The following NRG1 variants were observed in gnomAD, a reference collection of about 807,000 sequenced individuals.
The protein encoded by NRG1 is neuregulin 1, also known as pro-neuregulin-1, membrane-bound isoform.
A neutral mutation model predicts 63.8 loss-of-function variants in NRG1; 18 were observed. That is an observed-to-expected ratio of 0.28 (90% CI 0.19 to 0.42). The LOEUF (loss-of-function observed/expected upper bound fraction) is 0.42, where lower values mean the gene tolerates loss of function less well. Among genes scored for constraint, NRG1 ranks in the 10% least tolerant of loss-of-function variants. The pLI is 1.00. For synonymous variants in NRG1, 302 were observed against 301.3 expected (o/e 1.00, Z -0.02); for missense variants, 762 against 814.7 (o/e 0.94, Z 0.79).
At chr8:32,490,322 G>A (rs374268919) in intron 1 of NRG1, among the ~76,000 whole-genome samples, 65 of 151,954 alleles carry the variant, frequency 4.3e-4, no homozygotes, top group African/African-American at 1.5e-3. Context: ...AAAAAACTGG[G>A]GGCCACACAA....
chr8:31,970,244 A>G (rs925991422), intron 1 of NRG1, among the ~76,000 whole-genome samples: 9 of 152,014 alleles, frequency 5.9e-5, no homozygotes, highest in Non-Finnish European at 7.4e-5. Flanking sequence ...GATTACAACC[A>G]TTTTCAGGAT....
intron 1 of NRG1, among the ~76,000 whole-genome samples, chr8:31,847,326 T>A (rs1826784362): frequency 6.6e-6 from 1 of 152,046 alleles, no homozygotes. Flanking sequence ...AAAAACAGAG[T>A]TTCTCTACTT....
intron 1 of NRG1, among the ~76,000 whole-genome samples, chr8:31,988,537 C>A (rs1338458744): frequency 6.6e-6 from 1 of 152,048 alleles, no homozygotes; most frequent in African/African-American, 2.4e-5. Context: ...CAACTGAATT[C>A]TTCTTTACTC....
chr8:32,102,860 A>C (rs9297186), intron 1 of NRG1, among the ~76,000 whole-genome samples: 127,047 of 151,872 alleles, frequency 0.84, 54,187 homozygotes, highest in Non-Finnish European at 0.92. Context: ...CCACAATTAC[A>C]ATGTCTTGGT....
At chr8:31,876,665 T>C (rs1829949580) in intron 1 of NRG1, among the ~76,000 whole-genome samples, 2 of 152,136 alleles carry the variant, frequency 1.3e-5, no homozygotes, top group African/African-American at 2.4e-5. Flanking sequence ...TTAATAAATA[T>C]TGCTTGGGAG....
chr8:32,696,840 T>C (rs925366314), intron 5 of NRG1, among the ~76,000 whole-genome samples: 2 of 152,110 alleles, frequency 1.3e-5, no homozygotes, highest in African/African-American at 2.4e-5. Flanking sequence ...TTTGTGTTTT[T>C]AGTAGAGACG....
At chr8:31,870,436 T>A (rs1461876270) in intron 1 of NRG1, among the ~76,000 whole-genome samples, 3 of 152,068 alleles carry the variant, frequency 2.0e-5, no homozygotes, top group Admixed American at 2.0e-4. Flanking sequence ...TCAAGATAAC[T>A]TAGAAGGAAA....
chr8:31,664,151 G>A (rs35194525), intron 1 of NRG1, among the ~76,000 whole-genome samples: 6,007 of 152,122 alleles, frequency 0.039, 185 homozygotes, highest in Admixed American at 0.1. Context: ...CCCTCTTCAC[G>A]GTTCCCCTCC....
At position 32,763,365 on chromosome 8, in the gene NRG1, G is replaced by C. The variant is rs751248065; in HGVS notation, c.1260-383G>C. The C allele has an allele frequency of 1.5e-5, 25 of 1,613,018 alleles. No individual in the cohort carries two copies. In the East Asian group the frequency reaches 5.1e-4, roughly 33 times the overall value. On this transcript the variant is annotated intron_variant, in intron 11 of 11. Transcript: ENST00000356819. ...ACCCCTTGGCCTTTAGGAAGGTATA[G>C]TATTTAAGTAATACTTCTTTCCCTT...
chr8:32,758,575 CAAAAAAAAAAAAA>C (rs35499101), intron 9 of NRG1, among the ~76,000 whole-genome samples: 2 of 74,524 alleles, frequency 2.7e-5, no homozygotes, highest in African/African-American at 6.2e-5. Context: ...GACTCCATCT[CAAAAAAAAAAAAA>C]AAAAAAAAAA....
chr8:32,608,115 T>G (rs937773323), intron 3 of NRG1, among the ~76,000 whole-genome samples: 6 of 148,688 alleles, frequency 4.0e-5, no homozygotes, highest in Middle Eastern at 3.2e-3. Flanking sequence ...TTGTTTTTTT[T>G]TTTTTTTGCT....
chr8:31,669,856 T>G, intron 1 of NRG1, among the ~76,000 whole-genome samples: 1 of 152,180 alleles, frequency 6.6e-6, no homozygotes, highest in East Asian at 1.9e-4. Flanking sequence ...TGCACCTGTG[T>G]TTTGATTGCG....
chr8:31,914,544 G>A (rs1427477087), intron 1 of NRG1, among the ~76,000 whole-genome samples: 1 of 151,944 alleles, frequency 6.6e-6, no homozygotes, highest in East Asian at 1.9e-4. Flanking sequence ...ACTGCAATTT[G>A]ACTTTTAATC....
chr8:32,682,607 A>G (rs1563936442), intron 5 of NRG1, among the ~76,000 whole-genome samples: 1 of 152,198 alleles, frequency 6.6e-6, no homozygotes, highest in Non-Finnish European at 1.5e-5. Flanking sequence ...CACTTGGAAT[A>G]TCTCGAACAG....
At position 31,808,418 on chromosome 8, in the gene NRG1, T is replaced by C. The variant is rs192478256; in HGVS notation, c.37+168987T>C. On this transcript the variant is annotated intron_variant, in intron 1 of 10. Transcript: ENST00000519301. ...AGATAAAACGAGTTTAACAGATAAT[T>C]TAGCCCATTCACATTTGTTGTAATT... Among the ~76,000 whole-genome samples, 121 of 152,184 alleles carry C rather than the reference T, an allele frequency of 8.0e-4. 1 individual carries two copies. The highest frequency in any genetic ancestry group is 3.4e-3 in the Middle Eastern group (1 of 292).
chr8:32,222,656 C>A (rs1425268884), intron 1 of NRG1, among the ~76,000 whole-genome samples: 1 of 152,106 alleles, frequency 6.6e-6, no homozygotes, highest in South Asian at 2.1e-4. Context: ...AGCTACGGAA[C>A]CTTGATTTCC....
intron 1 of NRG1, among the ~76,000 whole-genome samples, chr8:32,388,988 T>C (rs1461683622): frequency 6.6e-6 from 1 of 152,180 alleles, no homozygotes; most frequent in African/African-American, 2.4e-5. Flanking sequence ...TATTAGGAAA[T>C]AGCCACATTT....
chr8:32,040,811 G>A (rs544225249), intron 1 of NRG1, among the ~76,000 whole-genome samples: 1 of 112,814 alleles, frequency 8.9e-6, no homozygotes, highest in Non-Finnish European at 1.7e-5. Flanking sequence ...TAGGCTTAAA[G>A]TACCAAGATA....
intron 5 of NRG1, among the ~76,000 whole-genome samples, chr8:32,680,197 T>C (rs919912628): frequency 6.6e-6 from 1 of 152,158 alleles, no homozygotes; most frequent in Non-Finnish European, 1.5e-5. Flanking sequence ...CAGTTCCACA[T>C]TTTCAAAATG....
Sources: gnomAD v4.1 joint callset for allele counts (sites outside exome capture counted in the v4.1 genomes callset) on GRCh38, gnomAD v4.1.1 for gene constraint, MANE v1.5 for transcripts, NCBI Gene and HGNC (gene_info 2026-07-23, HGNC 2026-07-21) for gene names.